Variants in PDGFA observed in about 807,000 individuals in gnomAD.
PDGFA encodes platelet derived growth factor subunit A.
In PDGFA, 9 loss-of-function variants were observed where a neutral mutation model predicts 25.6. The ratio of observed to expected loss-of-function variants is 0.35; its 90% CI spans 0.21 to 0.61. The LOEUF is 0.61. Ranked by LOEUF, PDGFA falls within the 20% of genes least tolerant of loss-of-function variation. PDGFA has a pLI of 0.75. For synonymous variants in PDGFA, 133 were observed against 111.8 expected (o/e 1.19, Z -1.20); for missense variants, 242 against 272.8 (o/e 0.89, Z 0.79).
At chr7:499,664 C>A (rs528829229) in intron 5 of PDGFA, among the ~76,000 whole-genome samples, 1 of 140,144 alleles carries the variant, frequency 7.1e-6, no homozygotes, top group Non-Finnish European at 1.5e-5. Context: ...GAGAAAAACA[C>A]AAAAGTCACT....
intron 4 of PDGFA, among the ~76,000 whole-genome samples, chr7:505,342 C>A (rs1782514395): frequency 6.6e-6 from 1 of 152,330 alleles, no homozygotes; most frequent in African/African-American, 2.4e-5. Flanking sequence ...TTCCCCACGG[C>A]TGAGTTCATC....
chr7:511,760 C>A (rs1218471547), intron 3 of PDGFA, among the ~76,000 whole-genome samples: 1 of 152,006 alleles, frequency 6.6e-6, no homozygotes, highest in African/African-American at 2.4e-5. Flanking sequence ...ACTCCCCAAA[C>A]CTGCTAGTTC....
chr7:512,376 C>T (rs368474837), exon 3 of PDGFA: 89 of 1,613,476 alleles, frequency 5.5e-5, no homozygotes, highest in Non-Finnish European at 6.7e-5. Flanking sequence ...TCCGAATGGG[C>T]AGGGGCCGCT....
chr7:512,251 CG>C (rs1268615300), intron 3 of PDGFA, 99 bp downstream of exon 3: 5 of 1,119,282 alleles, frequency 4.5e-6, no homozygotes, highest in Non-Finnish European at 6.4e-6. Context: ...GCTGGGAGAG[CG>C]GGCAGCTCCT....
chr7:512,698 G>C (rs1782909767), intron 2 of PDGFA: 14 of 1,423,418 alleles, frequency 9.8e-6, no homozygotes, highest in Non-Finnish European at 1.3e-5. Context: ...TTAGCACAGA[G>C]GTCCCCACAT....
chr7:509,485 C>T (rs1274285600), intron 4 of PDGFA, among the ~76,000 whole-genome samples: 1 of 151,954 alleles, frequency 6.6e-6, no homozygotes, highest in Non-Finnish European at 1.5e-5. Context: ...GAGATGGGGT[C>T]CTGCCATGTT....
chr7:512,477 C>T (rs1464536592), intron 2 of PDGFA, 22 bp from the exon 3 acceptor site: 30 of 1,613,194 alleles, frequency 1.9e-5, no homozygotes, highest in South Asian at 4.4e-5. Context: ...AGGAGAACAC[C>T]GTGAATGCCC....
At chr7:503,981 C>T (rs907914479) in intron 4 of PDGFA, among the ~76,000 whole-genome samples, 8 of 152,184 alleles carry the variant, frequency 5.3e-5, no homozygotes, top group African/African-American at 1.9e-4. Context: ...GCAATCTGCC[C>T]CTTTCCCCAG....
intron 3 of PDGFA, among the ~76,000 whole-genome samples, chr7:511,797 G>T (rs542654587): frequency 2.6e-4 from 40 of 152,256 alleles, no homozygotes; most frequent in African/African-American, 9.6e-4. Flanking sequence ...AGGGCCATGG[G>T]GCTGTCCTGT....
intron 4 of PDGFA, among the ~76,000 whole-genome samples, chr7:507,398 G>A (rs1430229594): frequency 6.6e-6 from 1 of 152,216 alleles, no homozygotes; most frequent in Non-Finnish European, 1.5e-5. Context: ...CAAAGCAGGG[G>A]CCACTCCCAG....
intron 4 of PDGFA, among the ~76,000 whole-genome samples, chr7:508,978 G>A (rs536145774): frequency 6.6e-6 from 1 of 152,370 alleles, no homozygotes; most frequent in African/African-American, 2.4e-5. Flanking sequence ...TTGCACAGGT[G>A]AGGAAAATGA....
At chr7:498,994 C>T (rs572427949) in intron 5 of PDGFA, among the ~76,000 whole-genome samples, 1 of 152,326 alleles carries the variant, frequency 6.6e-6, no homozygotes, top group East Asian at 1.9e-4. Context: ...GAAGAGTCTG[C>T]ACCCAGGCAG....
At position 500,412 on chromosome 7, in the gene PDGFA, G is replaced by A; in HGVS notation, c.580+704C>T. 6.2e-7 allele frequency: 1 copy of A among 1,613,354 alleles called. No individual in the cohort carries two copies. The highest frequency in any genetic ancestry group is 8.5e-7 in the Non-Finnish European group (1 of 1,179,286). ...CTCCCCGCCCTGCAGGACTCAGTGT[G>A]TCCGGCAGACAGTCCTACCTGGTTG... On this transcript the variant is annotated intron_variant, in intron 5 of 5. Transcript: ENST00000402802. This position sits in a 1 kb window ranked among gnomAD's most constrained non-coding sequence, Gnocchi z 5.0.
intron 4 of PDGFA, among the ~76,000 whole-genome samples, chr7:501,821 G>T (rs888334911): frequency 3.3e-5 from 5 of 152,218 alleles, no homozygotes; most frequent in South Asian, 2.1e-4. Context: ...CACTGCTAAG[G>T]TGTGGAAGTT....
rs536436832 is a variant in PDGFA, at chr7:507,797, TGGGCTCATGCCAGGG to T, written c.453+2997_453+3011del. On this transcript the variant is annotated intron_variant, in intron 4 of 5. Transcript: ENST00000402802. ...GCACACAGGACAGAGGGGATGGTGCTGGGCTCATGCCAGGGGGGCTCATGCCAGGGGGACCCAGCC... is the reference window on the plus strand; with the variant it reads ...GCACACAGGACAGAGGGGATGGTGCTGGGCTCATGCCAGGGGGACCCAGCC... Among the ~76,000 whole-genome samples, 127 of 152,194 alleles carry T rather than the reference TGGGCTCATGCCAGGG, an allele frequency of 8.3e-4. 1 individual carries two copies. In the South Asian group the frequency reaches 0.011, roughly 13 times the overall value.
intron 4 of PDGFA, among the ~76,000 whole-genome samples, chr7:502,828 C>T (rs1782408781): frequency 6.7e-6 from 1 of 149,338 alleles, no homozygotes; most frequent in Admixed American, 6.7e-5. Flanking sequence ...CATATAGGCC[C>T]TGTCACGGGA....
chr7:498,786 CA>C (rs1372374282), intron 5 of PDGFA, among the ~76,000 whole-genome samples: 1 of 152,238 alleles, frequency 6.6e-6, no homozygotes, highest in East Asian at 1.9e-4. Flanking sequence ...AGGCTCACAG[CA>C]TCTCACAGAA....
At chr7:502,553 G>A (rs1054141324) in intron 4 of PDGFA, among the ~76,000 whole-genome samples, 1 of 152,206 alleles carries the variant, frequency 6.6e-6, no homozygotes. Context: ...TCAGGCACAG[G>A]CAGCTCAAAA....
chr7:499,482 G>C (rs147646408), intron 5 of PDGFA, among the ~76,000 whole-genome samples: 213 of 152,330 alleles, frequency 1.4e-3, no homozygotes, highest in African/African-American at 5.0e-3. Context: ...AACCAGGCCA[G>C]ACAGGGCTCC....
Sources: allele counts gnomAD v4.1 joint callset (sites outside exome capture counted in the v4.1 genomes callset), GRCh38; gene constraint gnomAD v4.1.1; non-coding constraint Gnocchi (gnomAD v3.1); transcripts MANE v1.5; gene names NCBI Gene and HGNC (gene_info 2026-07-23, HGNC 2026-07-21).